ABI3BP: variants seen among roughly 807,000 people sequenced by gnomAD.
ABI3BP encodes ABI family member 3 binding protein, also known as target of Nesh-SH3.
ABI3BP carries 216 observed loss-of-function variants against 268.6 expected under a neutral mutation model. The observed-to-expected ratio is 0.80, with a 90% CI of 0.72 to 0.90. The LOEUF (loss-of-function observed/expected upper bound fraction) is 0.90, where lower values mean the gene tolerates loss of function less well. Ranked by LOEUF, ABI3BP falls within the 40% of genes least tolerant of loss-of-function variation. The probability of loss-of-function intolerance (pLI) is 0.00; values close to 1 mark genes in which losing one functional copy is unlikely to be tolerated. For missense variants in ABI3BP, 2,090 were observed against 2,182.4 expected, an observed-to-expected ratio of 0.96 and a Z score of 0.84; for synonymous variants, 730 against 730.0, an observed-to-expected ratio of 1.00 and a Z score of 0.00.
intron 60 of ABI3BP, 131 bp from the exon 61 acceptor site, chr3:100,774,804 TATAC>T: frequency 1.4e-6 from 1 of 729,266 alleles, no homozygotes; most frequent in Non-Finnish European, 2.2e-6. Context: ...TTTTTAAAAT[TATAC>T]ATATTCATCC....
intron 1 of ABI3BP, among the ~76,000 whole-genome samples, chr3:100,955,555 T>C (rs1268248234): frequency 6.6e-6 from 1 of 152,224 alleles, no homozygotes; most frequent in African/African-American, 2.4e-5. Context: ...CCTCCATTGT[T>C]TGGATAATAT....
chr3:100,973,249 G>C (rs1336413218), intron 1 of ABI3BP, among the ~76,000 whole-genome samples: 2 of 152,078 alleles, frequency 1.3e-5, no homozygotes, highest in Admixed American at 6.6e-5. Flanking sequence ...ATTAAGTAAG[G>C]CATCTTTAAA....
chr3:100,827,561 C>T (rs1051690159), intron 34 of ABI3BP, among the ~76,000 whole-genome samples: 1 of 152,112 alleles, frequency 6.6e-6, no homozygotes, highest in Non-Finnish European at 1.5e-5. Context: ...TGCTTCTGCA[C>T]ATCATAGACT....
At chr3:100,828,131 T>C (rs2098421682) in intron 34 of ABI3BP, among the ~76,000 whole-genome samples, 1 of 152,140 alleles carries the variant, frequency 6.6e-6, no homozygotes, top group Non-Finnish European at 1.5e-5. Context: ...GGTCAGAACC[T>C]CGCGAGAATA....
intron 20 of ABI3BP, chr3:100,844,023 C>A (rs192394009): frequency 4.6e-5 from 45 of 981,780 alleles, no homozygotes; most frequent in Middle Eastern, 1.0e-3. Context: ...CACATAAAAA[C>A]AGTAAGGTCT....
At chr3:100,927,727 T>C (rs761706642) in intron 1 of ABI3BP, among the ~76,000 whole-genome samples, 1 of 152,110 alleles carries the variant, frequency 6.6e-6, no homozygotes, top group Non-Finnish European at 1.5e-5. Flanking sequence ...ACCCTTGTGA[T>C]CCAATCACCT....
chr3:100,984,067 C>A (rs9867186), intron 1 of ABI3BP, among the ~76,000 whole-genome samples: 2 of 152,050 alleles, frequency 1.3e-5, no homozygotes, highest in Admixed American at 6.6e-5. Context: ...ATTTATCAAG[C>A]ACTTATACAT....
chr3:100,751,086 G>GCC (rs1410380580), intron 67 of ABI3BP, among the ~76,000 whole-genome samples: 1 of 152,108 alleles, frequency 6.6e-6, no homozygotes, highest in East Asian at 1.9e-4. Flanking sequence ...ACAGCTTGGT[G>GCC]CCAATGGGTC....
chr3:100,809,424 C>T (rs572840856), intron 49 of ABI3BP, among the ~76,000 whole-genome samples: 1 of 152,068 alleles, frequency 6.6e-6, no homozygotes, highest in Non-Finnish European at 1.5e-5. Flanking sequence ...TGTCATAAAG[C>T]AATTCCATGA....
Position 100,956,213 on chromosome 3 carries a change from CAACACACACA to C in ABI3BP, c.80-29742_80-29733del, listed in dbSNP as rs2076772962. Among the ~76,000 whole-genome samples, 7 of 78,318 alleles carry C rather than the reference CAACACACACA, an allele frequency of 8.9e-5. No individual in the cohort carries two copies. In the Admixed American group the frequency reaches 1.2e-3, roughly 14 times the overall value. The allele number at this position is 78,318 out of a possible 152,430, so 51.4% of individuals were successfully genotyped here. A position where few individuals can be genotyped will look rare whatever the true frequency, so the allele number is the denominator to read the frequency against. On this transcript the variant is annotated intron_variant, in intron 1 of 67. Transcript: ENST00000471714. The stretch of plus-strand genomic sequence containing the variant: ...CTGTCTCAAAAAAAAAAAAGAAAAA[CAACACACACA>C]CACACACACACACACACACACACAC...
chr3:100,766,810 C>CA (rs1381850079), intron 62 of ABI3BP, among the ~76,000 whole-genome samples: 1 of 152,168 alleles, frequency 6.6e-6, no homozygotes. Context: ...AAACCCCACT[C>CA]AAAATCAGCT....
intron 56 of ABI3BP, among the ~76,000 whole-genome samples, chr3:100,789,075 G>T (rs991185735): frequency 6.6e-6 from 1 of 152,076 alleles, no homozygotes; most frequent in African/African-American, 2.4e-5. Context: ...CCCAGAACAA[G>T]AGCTTTCCTG....
chr3:100,792,263 T>C (rs965094197), intron 55 of ABI3BP, among the ~76,000 whole-genome samples: 1 of 151,802 alleles, frequency 6.6e-6, no homozygotes, highest in Admixed American at 6.6e-5. Flanking sequence ...TTCTTATTAA[T>C]GTATTTCATC....
At chr3:100,961,028 C>T (rs2078916303) in intron 1 of ABI3BP, among the ~76,000 whole-genome samples, 4 of 152,148 alleles carry the variant, frequency 2.6e-5, no homozygotes. Context: ...TTTTAAACTG[C>T]TAGGTTGGTG....
intron 1 of ABI3BP, among the ~76,000 whole-genome samples, chr3:100,938,712 A>T (rs1394110059): frequency 6.6e-6 from 1 of 152,148 alleles, no homozygotes; most frequent in African/African-American, 2.4e-5. Flanking sequence ...AAATTAAATG[A>T]TGTTATCAAT....
chr3:100,958,917 A>C (rs1417265633), intron 1 of ABI3BP, among the ~76,000 whole-genome samples: 1 of 152,232 alleles, frequency 6.6e-6, no homozygotes, highest in East Asian at 1.9e-4. Flanking sequence ...GATCGGAAGC[A>C]GCAAGAGAGT....
At chr3:100,928,351 A>T (rs888984878) in intron 1 of ABI3BP, among the ~76,000 whole-genome samples, 9 of 152,110 alleles carry the variant, frequency 5.9e-5, no homozygotes, top group African/African-American at 2.2e-4. Context: ...AAAGACTTAG[A>T]TTGTACAAAT....
chr3:100,833,398 T>A (rs955671081), intron 29 of ABI3BP, among the ~76,000 whole-genome samples: 22 of 152,158 alleles, frequency 1.4e-4, no homozygotes, highest in African/African-American at 5.3e-4. Context: ...TATTATCTGA[T>A]GATATAGTAG....
chr3:100,792,760 C>T lies in ABI3BP; in HGVS notation c.3955G>A (p.Asp1319Asn), dbSNP rs2097233589. The T allele has an allele frequency of 6.2e-7, 1 of 1,611,026 alleles. No homozygotes were observed. The change falls in exon 55 of 68, where the codon GAC (aspartate) becomes AAC (asparagine). Residue 1319 changes from aspartate (D) to asparagine (N), a missense_variant. Coordinates refer to ENST00000471714, the MANE Select transcript of ABI3BP (RefSeq NM_001375547.2). The stretch of plus-strand genomic sequence containing the variant: ...GTGAAAGGTTCTTGGGTGGATTGGT[C>T]TGTTTCTTCTAGAGAAAACACAGTA... Reference protein sequence around the residue: ...EELQTTLEETDQSTQEPFTTK... With the variant: ...EELQTTLEETNQSTQEPFTTK...
Sources: gnomAD v4.1 joint callset for allele counts (sites outside exome capture counted in the v4.1 genomes callset) on GRCh38, gnomAD v4.1.1 for gene constraint, MANE v1.5 for transcripts, NCBI Gene and HGNC (gene_info 2026-07-23, HGNC 2026-07-21) for gene names.